The following STK39 variants were observed in gnomAD, a reference collection of about 807,000 sequenced individuals.
STK39 encodes the protein serine/threonine kinase 39.
Under a neutral mutation model 77.8 loss-of-function variants are expected in STK39, and 20 were observed. That is an observed-to-expected ratio of 0.26 (90% CI 0.18 to 0.37). STK39 has a LOEUF of 0.37. Among genes scored for constraint, STK39 ranks in the 10% least tolerant of loss-of-function variants. The pLI, the probability that STK39 is intolerant of heterozygous loss-of-function variation, is 1.00. For missense variants in STK39, 479 were observed against 656.5 expected, an observed-to-expected ratio of 0.73 and a Z score of 2.95; for synonymous variants, 246 against 234.1, an observed-to-expected ratio of 1.05 and a Z score of -0.47.
chr2:168,188,818 C>T (rs73031020), intron 1 of STK39, among the ~76,000 whole-genome samples: 6,257 of 152,236 alleles, frequency 0.041, 411 homozygotes, highest in African/African-American at 0.14. Flanking sequence ...AGAACAGTAA[C>T]GGTGAGACAC....
chr2:168,197,197 C>T (rs1235654560), intron 1 of STK39, among the ~76,000 whole-genome samples: 1 of 152,132 alleles, frequency 6.6e-6, no homozygotes, highest in Non-Finnish European at 1.5e-5. Context: ...AGTAAAGTGG[C>T]TGGATTTGAG....
At chr2:168,124,557 G>A (rs776268112) in intron 10 of STK39, among the ~76,000 whole-genome samples, 13 of 151,976 alleles carry the variant, frequency 8.6e-5, no homozygotes, top group South Asian at 2.1e-4. Flanking sequence ...GTGTCACCAC[G>A]CCTGGCTAAT....
At chr2:168,062,946 A>G (rs1559079198) in intron 14 of STK39, among the ~76,000 whole-genome samples, 3 of 152,194 alleles carry the variant, frequency 2.0e-5, no homozygotes. Flanking sequence ...TAAAACGGAA[A>G]ACGCTTTCAT....
chr2:168,138,004 C>G lies in STK39; in HGVS notation c.974+84G>C, dbSNP rs1687883128. On this transcript the variant is annotated intron_variant, in intron 8 of 17. Coordinates refer to ENST00000355999, the MANE Select transcript of STK39 (RefSeq NM_013233.3). ...AGACAAGAAATACCTTTCCAGTGTC[C>G]TCACAAAGCCTTTCCCCATCTACAA... 3.3e-6 allele frequency: 5 copies of G among 1,496,090 alleles called. No homozygotes were observed. In the Admixed American group the frequency reaches 8.2e-5, roughly 25 times the overall value. 92.7% of individuals were successfully genotyped at this position (1,496,090 alleles called of 1,614,324 possible). A position where few individuals can be genotyped will look rare whatever the true frequency, so the allele number is the denominator to read the frequency against.
chr2:168,051,817 T>G (rs1685402650), intron 14 of STK39, among the ~76,000 whole-genome samples: 1 of 152,078 alleles, frequency 6.6e-6, no homozygotes, highest in Non-Finnish European at 1.5e-5. Context: ...TGACTAGTCT[T>G]GCGACATGGC....
At chr2:168,086,002 C>A (rs896479575) in intron 10 of STK39, among the ~76,000 whole-genome samples, 26 of 152,194 alleles carry the variant, frequency 1.7e-4, no homozygotes, top group Non-Finnish European at 4.4e-5. Flanking sequence ...GACCATCTGG[C>A]GCAGTGGCAT....
At chr2:168,244,604 C>A (rs997934020) in intron 1 of STK39, among the ~76,000 whole-genome samples, 4 of 152,208 alleles carry the variant, frequency 2.6e-5, no homozygotes, top group African/African-American at 9.6e-5. Flanking sequence ...AAGTGCTTAA[C>A]CACAAGTTCA....
intron 10 of STK39, among the ~76,000 whole-genome samples, chr2:168,106,280 C>T (rs966944607): frequency 1.3e-5 from 2 of 152,130 alleles, no homozygotes; most frequent in South Asian, 2.1e-4. Context: ...TTCTCATCTG[C>T]AATTCTGAGA....
At chr2:168,068,366 T>C (rs778874631) in intron 12 of STK39, among the ~76,000 whole-genome samples, 2 of 152,208 alleles carry the variant, frequency 1.3e-5, no homozygotes, top group Non-Finnish European at 2.9e-5. Context: ...CTCTGCCTAA[T>C]GAACTCCTTT....
intron 10 of STK39, 71 bp from the exon 11 acceptor site, chr2:168,075,302 G>C: frequency 2.5e-6 from 4 of 1,597,300 alleles, no homozygotes; most frequent in Non-Finnish European, 3.4e-6. Context: ...CTGCAACTTG[G>C]GTTATACGGC....
intron 14 of STK39, among the ~76,000 whole-genome samples, chr2:168,042,353 ATC>A: frequency 6.6e-6 from 1 of 152,290 alleles, no homozygotes; most frequent in East Asian, 1.9e-4. Context: ...CTCTCTGTCC[ATC>A]TCTCTACGGA....
At chr2:168,245,053 T>C (rs1283668301) in intron 1 of STK39, among the ~76,000 whole-genome samples, 12 of 152,218 alleles carry the variant, frequency 7.9e-5, no homozygotes, top group African/African-American at 2.9e-4. Flanking sequence ...AGTAGGTATA[T>C]AAATTGATTA....
intron 1 of STK39, among the ~76,000 whole-genome samples, chr2:168,222,305 T>C (rs1690193400): frequency 6.6e-6 from 1 of 152,156 alleles, no homozygotes; most frequent in Non-Finnish European, 1.5e-5. Context: ...CCTCCCAATG[T>C]CCCCATCATT....
rs79252455 is a variant in STK39 at position 168,075,433 on chromosome 2, T to C, written c.1090-202A>G. Among the ~76,000 whole-genome samples, 314 of 152,292 alleles carry C rather than the reference T, an allele frequency of 2.1e-3. 1 individual carries two copies. Among genetic ancestry groups the C allele is most frequent in the African/African-American group, 6.9e-3 (287 of 41,570 alleles). ...ACTCATCCTCTTTCCAAAAATGCTG[T>C]GTTTTTTGAAATGCATTACTATATA... On this transcript the variant is annotated intron_variant, in intron 10 of 17. Coordinates refer to ENST00000355999, the MANE Select transcript of STK39 (RefSeq NM_013233.3).
chr2:167,956,213 T>A (rs1344207749), intron 17 of STK39, among the ~76,000 whole-genome samples: 2 of 152,212 alleles, frequency 1.3e-5, no homozygotes, highest in Non-Finnish European at 2.9e-5. Context: ...AAAATTATGG[T>A]GTGTCAAATA....
chr2:168,102,355 T>C (rs1442170813), intron 10 of STK39, among the ~76,000 whole-genome samples: 2 of 152,172 alleles, frequency 1.3e-5, no homozygotes, highest in African/African-American at 4.8e-5. Context: ...CTAGCGGGTA[T>C]GAGGTAGTAT....
chr2:168,174,631 G>C (rs772162452), intron 2 of STK39, among the ~76,000 whole-genome samples: 19 of 152,086 alleles, frequency 1.2e-4, no homozygotes, highest in Non-Finnish European at 2.1e-4. Flanking sequence ...ACTCAGGTAT[G>C]AACAATCGCT....
chr2:168,166,623 A>C (rs1350670616), intron 3 of STK39, among the ~76,000 whole-genome samples: 3 of 152,238 alleles, frequency 2.0e-5, no homozygotes, highest in Non-Finnish European at 4.4e-5. Flanking sequence ...CAAAGTCCAC[A>C]ACCTAAATAT....
At chr2:168,026,271 A>G (rs915529087) in intron 14 of STK39, among the ~76,000 whole-genome samples, 2 of 152,226 alleles carry the variant, frequency 1.3e-5, no homozygotes, top group African/African-American at 4.8e-5. Context: ...AGAAAGGTGT[A>G]TTCCCCTCTC....
Sources: allele counts gnomAD v4.1 joint callset (sites outside exome capture counted in the v4.1 genomes callset), GRCh38; gene constraint gnomAD v4.1.1; transcripts MANE v1.5; gene names NCBI Gene and HGNC (gene_info 2026-07-23, HGNC 2026-07-21).